Variants in TEX11 observed in about 807,000 individuals in gnomAD.
TEX11 encodes testis expressed 11.
A neutral mutation model predicts 84.4 loss-of-function variants in TEX11; 7 were observed. That is an observed-to-expected ratio of 0.08 (90% CI 0.05 to 0.16). TEX11 has a LOEUF of 0.16. TEX11 is among the 10% of genes least tolerant of loss of function. The pLI is 1.00. For synonymous variants in TEX11, 264 were observed against 222.8 expected (o/e 1.18, Z -1.64); for missense variants, 551 against 660.5 (o/e 0.83, Z 1.82).
intron 2 of TEX11, among the ~76,000 whole-genome samples, chrX:70,902,765 C>G (rs1247447507): frequency 9.0e-6 from 1 of 111,139 alleles, no homozygotes; most frequent in Non-Finnish European, 1.9e-5. Flanking sequence ...GTCTCGAACT[C>G]CTGAGCTCAA....
chrX:70,512,227 TTTC>T, the TEX11 span, among the ~76,000 whole-genome samples: 1 of 106,958 alleles, frequency 9.3e-6, no homozygotes, highest in African/African-American at 3.5e-5. Flanking sequence ...CACAAAGCAT[TTTC>T]TTCTTCTTAT....
At position 70,733,293 on chromosome X, in the gene TEX11, T is replaced by G. The variant is rs191090587; in HGVS notation, c.843+7408A>C. Among the ~76,000 whole-genome samples, 608 of 111,131 alleles carry G rather than the reference T, an allele frequency of 5.5e-3. 2 individuals are homozygous for G. The highest frequency in any genetic ancestry group is 0.018 in the African/African-American group (559 of 30,571). On this transcript the variant is annotated intron_variant, in intron 11 of 29. Coordinates refer to ENST00000374333, the MANE Select transcript of TEX11 (RefSeq NM_031276.3). ...AAAGCAATGGCAACAAAAGACAAAA[T>G]TGACAAATGGGATCTAATTAAACTA... is the stretch of plus-strand genomic sequence containing the variant.
chrX:70,577,774 T>C lies in TEX11; in HGVS notation c.2140+13977A>G, dbSNP rs113651397. Among the ~76,000 whole-genome samples, 464 of 90,994 alleles carry C rather than the reference T, an allele frequency of 5.1e-3. 60 individuals carry two copies. The highest frequency in any genetic ancestry group is 8.3e-3 in the Non-Finnish European group (340 of 40,950). The allele number at this position is 90,994 out of a possible 115,157, so 79.0% of individuals were successfully genotyped here. ...GAGACAGTCTCACTCTGTCACCAGGTTGGAGTGCAGTGGCAGGATCTCTGC... is the reference window on the plus strand; with the variant it reads ...GAGACAGTCTCACTCTGTCACCAGGCTGGAGTGCAGTGGCAGGATCTCTGC... On this transcript the variant is annotated intron_variant, in intron 25 of 29. Coordinates refer to ENST00000374333, the MANE Select transcript of TEX11 (RefSeq NM_031276.3).
At chrX:70,521,421 C>T in the TEX11 span, among the ~76,000 whole-genome samples, 18 of 110,515 alleles carry the variant, frequency 1.6e-4, no homozygotes, top group African/African-American at 2.3e-4. Flanking sequence ...ATATTACAGG[C>T]GCCCTCTACC....
intron 18 of TEX11, among the ~76,000 whole-genome samples, chrX:70,626,786 G>T (rs911108103): frequency 8.9e-6 from 1 of 112,288 alleles, no homozygotes. Context: ...CTACTGGCAA[G>T]CATATTGCAC....
At chrX:70,610,587 T>C (rs757413247) in intron 20 of TEX11, 44 bp from the exon 21 acceptor site, 3 of 1,140,407 alleles carry the variant, frequency 2.6e-6, no homozygotes, top group East Asian at 6.0e-5. Context: ...TCCAAATCTT[T>C]ACTATAAAAC....
chrX:70,640,919 C>A (rs1422468711), intron 17 of TEX11, among the ~76,000 whole-genome samples: 3 of 110,415 alleles, frequency 2.7e-5, no homozygotes, highest in Non-Finnish European at 5.7e-5. Flanking sequence ...ACACATAACA[C>A]TATTAACCTT....
chrX:70,860,278 T>C (rs1403530316), intron 5 of TEX11, among the ~76,000 whole-genome samples: 1 of 112,004 alleles, frequency 8.9e-6, no homozygotes, highest in African/African-American at 3.2e-5. Context: ...GCATTTTACA[T>C]GGACAAATTC....
chrX:70,820,663 G>A (rs1457967347), intron 8 of TEX11, among the ~76,000 whole-genome samples: 1 of 110,833 alleles, frequency 9.0e-6, no homozygotes, highest in Non-Finnish European at 1.9e-5. Flanking sequence ...GAGCAAGACA[G>A]TGAGGAGGGA....
chrX:70,838,077 G>A (rs1224827630), intron 7 of TEX11, among the ~76,000 whole-genome samples: 1 of 112,034 alleles, frequency 8.9e-6, no homozygotes, highest in Admixed American at 9.5e-5. Flanking sequence ...TATTTTTGTA[G>A]TTTCCTGCAA....
intron 2 of TEX11, among the ~76,000 whole-genome samples, chrX:70,902,893 TTTTC>T (rs2091810961): frequency 8.9e-6 from 1 of 112,279 alleles, no homozygotes; most frequent in African/African-American, 3.2e-5. Context: ...TACAAAAATA[TTTTC>T]TTTCTTTATA....
chrX:70,899,067 T>C lies in TEX11; in HGVS notation c.37+8686A>G, dbSNP rs755518831. Among the ~76,000 whole-genome samples, 220 of 112,345 alleles carry C rather than the reference T, an allele frequency of 2.0e-3. 5 individuals carry two copies. The highest frequency in any genetic ancestry group is 4.6e-3 in the Middle Eastern group (1 of 218). On this transcript the variant is annotated intron_variant, in intron 2 of 29. Coordinates refer to ENST00000374333, the MANE Select transcript of TEX11 (RefSeq NM_031276.3). ...TATTTCCTAATAACTCTGTCATTCTTAATCTGAGGATCCCATTGTTGTATT... is the reference window on the plus strand; with the variant it reads ...TATTTCCTAATAACTCTGTCATTCTCAATCTGAGGATCCCATTGTTGTATT...
At position 70,548,498 on chromosome X, in the gene TEX11, G is replaced by A. The variant is rs991608641; in HGVS notation, c.2520+3628C>T. Among the ~76,000 whole-genome samples the A allele has an allele frequency of 2.7e-5, 3 of 111,498 alleles. No individual in the cohort carries two copies. In the Middle Eastern group the frequency reaches 0.014, roughly 514 times the overall value. ...TGGTTTTAACTTCGTATCACCGAAA[G>A]AGCCACTGAAGAGTGTAGGAAGGAC... On this transcript the variant is annotated intron_variant, in intron 28 of 29. Transcript: ENST00000374333.
At chrX:70,654,627 C>G (rs2089842800) in intron 16 of TEX11, among the ~76,000 whole-genome samples, 1 of 99,028 alleles carries the variant, frequency 1.0e-5, no homozygotes, top group African/African-American at 3.8e-5. Flanking sequence ...ATGAGAATCA[C>G]TTGAACATGG....
At chrX:70,841,921 A>G (rs1232107655) in intron 7 of TEX11, among the ~76,000 whole-genome samples, 1 of 111,999 alleles carries the variant, frequency 8.9e-6, no homozygotes, top group Non-Finnish European at 1.9e-5. Context: ...CCCTCCCAAG[A>G]CTAAACCAGG....
At chrX:70,585,478 C>T in intron 25 of TEX11, among the ~76,000 whole-genome samples, 1 of 111,977 alleles carries the variant, frequency 8.9e-6, no homozygotes, top group East Asian at 2.8e-4. Flanking sequence ...ATTCCACCAG[C>T]CTCTTTTTAC....
At position 70,609,186 on chromosome X, in the gene TEX11, A is replaced by G; in HGVS notation, c.1793-9T>C. 8.3e-7 allele frequency: 1 copy of G among 1,201,494 alleles called. No homozygotes were observed. Among genetic ancestry groups the G allele is most frequent in the Non-Finnish European group, 1.1e-6 (1 of 889,578 alleles). ...AGAAAGTTTCACAAAGGCTGCATCA[A>G]ACAGGAAAATTTGATACTGATGGTC... On this transcript the variant is annotated splice_polypyrimidine_tract_variant and intron_variant, in intron 21 of 29. Transcript: ENST00000374333.
At chrX:70,611,563 CTT>C (rs1055379692) in intron 20 of TEX11, among the ~76,000 whole-genome samples, 2 of 111,900 alleles carry the variant, frequency 1.8e-5, no homozygotes, top group Non-Finnish European at 3.8e-5. Flanking sequence ...AGCAAAATCT[CTT>C]TATGCATCTT....
intron 16 of TEX11, among the ~76,000 whole-genome samples, chrX:70,653,212 A>G (rs766593464): frequency 8.9e-6 from 1 of 112,057 alleles, no homozygotes; most frequent in South Asian, 3.7e-4. Context: ...AAAATTAAAA[A>G]CTGCTCTGTG....
Sources: allele counts gnomAD v4.1 joint callset (sites outside exome capture counted in the v4.1 genomes callset), GRCh38; gene constraint gnomAD v4.1.1; transcripts MANE v1.5; gene names NCBI Gene and HGNC (gene_info 2026-07-23, HGNC 2026-07-21).